The following KCND2 variants were observed in gnomAD, a reference collection of about 807,000 sequenced individuals.
KCND2 encodes potassium voltage-gated channel subfamily D member 2.
KCND2 carries 16 observed loss-of-function variants against 54.4 expected under a neutral mutation model. That is an observed-to-expected ratio of 0.29 (90% confidence interval 0.20 to 0.45). KCND2 has a LOEUF of 0.45. Ranked by LOEUF, KCND2 falls within the 20% of genes least tolerant of loss-of-function variation. KCND2 has a pLI of 1.00. For missense variants in KCND2, 486 were observed against 824.2 expected, an observed-to-expected ratio of 0.59 and a Z score of 5.02; for synonymous variants, 317 against 310.7, an observed-to-expected ratio of 1.02 and a Z score of -0.21.
At chr7:120,520,683 T>A (rs953591164) in intron 1 of KCND2, among the ~76,000 whole-genome samples, 1 of 152,214 alleles carries the variant, frequency 6.6e-6, no homozygotes, top group Middle Eastern at 3.4e-3. Context: ...GAGGCAAAAG[T>A]TGACAATAAG....
At chr7:120,559,929 G>A (rs1434410173) in intron 1 of KCND2, among the ~76,000 whole-genome samples, 2 of 152,196 alleles carry the variant, frequency 1.3e-5, no homozygotes, top group Admixed American at 6.5e-5. Context: ...ACCGTCCTTT[G>A]GAGCAGAAAG....
chr7:120,286,672 T>C (rs1375170592), intron 1 of KCND2, among the ~76,000 whole-genome samples: 1 of 152,014 alleles, frequency 6.6e-6, no homozygotes, highest in African/African-American at 2.4e-5. Context: ...TATTTAGAAA[T>C]TGGAATTTTG....
chr7:120,485,300 C>T (rs1007150270), intron 1 of KCND2, among the ~76,000 whole-genome samples: 43 of 152,106 alleles, frequency 2.8e-4, no homozygotes, highest in Admixed American at 2.8e-3. Context: ...ATTTCTACAA[C>T]TTGTAAAACT....
chr7:120,582,260 TA>T (rs977186765), intron 1 of KCND2, among the ~76,000 whole-genome samples: 1 of 152,128 alleles, frequency 6.6e-6, no homozygotes, highest in African/African-American at 2.4e-5. Flanking sequence ...TGATTTTTTT[TA>T]AAAATCAAGT....
chr7:120,649,823 T>C (rs1390333542), intron 1 of KCND2, among the ~76,000 whole-genome samples: 1 of 152,196 alleles, frequency 6.6e-6, no homozygotes, highest in Non-Finnish European at 1.5e-5. Flanking sequence ...GGTGACAAAA[T>C]CTCTCAGCAT....
chr7:120,590,984 A>G (rs956049197), intron 1 of KCND2, among the ~76,000 whole-genome samples: 14 of 152,088 alleles, frequency 9.2e-5, no homozygotes, highest in African/African-American at 3.1e-4. Context: ...CTGCTAGAAA[A>G]TCTATACTGC....
At chr7:120,551,690 C>T (rs1401742574) in intron 1 of KCND2, among the ~76,000 whole-genome samples, 1 of 152,150 alleles carries the variant, frequency 6.6e-6, no homozygotes, top group Non-Finnish European at 1.5e-5. Flanking sequence ...GGATTTATAG[C>T]ATTCTTAACT....
chr7:120,666,161 G>A (rs1020919708), intron 1 of KCND2, among the ~76,000 whole-genome samples: 1 of 152,000 alleles, frequency 6.6e-6, no homozygotes, highest in Non-Finnish European at 1.5e-5. Context: ...TTTACATCAT[G>A]GATCAATCTG....
chr7:120,701,958 A>G, intron 1 of KCND2, among the ~76,000 whole-genome samples: 1 of 152,198 alleles, frequency 6.6e-6, no homozygotes. Flanking sequence ...ATTGACAAAT[A>G]AGATTTAATT....
At chr7:120,291,751 T>C (rs1584715388) in intron 1 of KCND2, among the ~76,000 whole-genome samples, 1 of 152,008 alleles carries the variant, frequency 6.6e-6, no homozygotes, top group East Asian at 1.9e-4. Flanking sequence ...AAAAACATGT[T>C]TATGTTTTTA....
chr7:120,320,446 G>A (rs1017329350), intron 1 of KCND2, among the ~76,000 whole-genome samples: 3 of 152,144 alleles, frequency 2.0e-5, no homozygotes, highest in African/African-American at 4.8e-5. Flanking sequence ...GTGGTTCAGT[G>A]TGCGAAGCTT....
chr7:120,365,590 CT>C (rs1240396365), intron 1 of KCND2, among the ~76,000 whole-genome samples: 2 of 152,084 alleles, frequency 1.3e-5, no homozygotes, highest in African/African-American at 2.4e-5. Flanking sequence ...CTGCGTGCCC[CT>C]GATTAAGGTA....
At chr7:120,482,299 A>G (rs150424303) in intron 1 of KCND2, among the ~76,000 whole-genome samples, 42 of 152,238 alleles carry the variant, frequency 2.8e-4, no homozygotes, top group African/African-American at 9.6e-4. Flanking sequence ...GCTGAAGGCA[A>G]TTTGCCTAAG....
intron 1 of KCND2, among the ~76,000 whole-genome samples, chr7:120,481,048 G>C (rs1233945034): frequency 6.6e-6 from 1 of 152,228 alleles, no homozygotes; most frequent in East Asian, 1.9e-4. Context: ...GATTACTTAA[G>C]TGGTTGTGAA....
At chr7:120,353,158 TA>T (rs1800442662) in intron 1 of KCND2, among the ~76,000 whole-genome samples, 1 of 147,658 alleles carries the variant, frequency 6.8e-6, no homozygotes, top group African/African-American at 2.5e-5. Context: ...TTTTTTTTTT[TA>T]GGCAAACTAT....
intron 1 of KCND2, among the ~76,000 whole-genome samples, chr7:120,375,404 T>C (rs899610663): frequency 1.3e-5 from 2 of 151,888 alleles, no homozygotes; most frequent in South Asian, 2.1e-4. Flanking sequence ...AAATACCAGG[T>C]GGCATAATGC....
chr7:120,440,728 C>T (rs757851831), intron 1 of KCND2, among the ~76,000 whole-genome samples: 2 of 151,942 alleles, frequency 1.3e-5, no homozygotes, highest in African/African-American at 4.8e-5. Context: ...TTCCAAGCAC[C>T]ATGTATTGAA....
At chr7:120,557,645 T>A (rs922704224) in intron 1 of KCND2, among the ~76,000 whole-genome samples, 1 of 152,118 alleles carries the variant, frequency 6.6e-6, no homozygotes, top group Non-Finnish European at 1.5e-5. Context: ...TACCCACTAT[T>A]TGTGCCAACA....
At chr7:120,639,600 T>C (rs1793346578) in intron 1 of KCND2, among the ~76,000 whole-genome samples, 1 of 152,196 alleles carries the variant, frequency 6.6e-6, no homozygotes, top group Non-Finnish European at 1.5e-5. Flanking sequence ...TCAATACTTG[T>C]CCATCATACT....
Sources: allele counts gnomAD v4.1 joint callset (sites outside exome capture counted in the v4.1 genomes callset), GRCh38; gene constraint gnomAD v4.1.1; transcripts MANE v1.5; gene names NCBI Gene and HGNC (gene_info 2026-07-23, HGNC 2026-07-21).